The following ERBB4 variants were observed in gnomAD, a reference collection of about 807,000 sequenced individuals.
ERBB4 encodes the protein erb-b2 receptor tyrosine kinase 4.
In ERBB4, 42 loss-of-function variants were observed where a neutral mutation model predicts 158.0. That is an observed-to-expected ratio of 0.27 (90% confidence interval 0.21 to 0.34). ERBB4 has a LOEUF of 0.34. Among genes scored for constraint, ERBB4 ranks in the 10% least tolerant of loss-of-function variants. ERBB4 has a pLI of 1.00. For synonymous variants in ERBB4, 583 were observed against 558.7 expected, an observed-to-expected ratio of 1.04 and a Z score of -0.61; for missense variants, 1,333 against 1,624.1, an observed-to-expected ratio of 0.82 and a Z score of 3.08.
intron 1 of ERBB4, among the ~76,000 whole-genome samples, chr2:212,219,966 A>AC (rs1286340078): frequency 6.6e-6 from 1 of 151,086 alleles, no homozygotes; most frequent in Non-Finnish European, 1.5e-5. Flanking sequence ...AAAAAAAAAA[A>AC]AAAGTGGGAT....
At chr2:211,508,610 G>T (rs1269546134) in intron 20 of ERBB4, among the ~76,000 whole-genome samples, 2 of 152,148 alleles carry the variant, frequency 1.3e-5, no homozygotes, top group East Asian at 3.9e-4. Flanking sequence ...ATTTGACCCA[G>T]CAATCCCATT....
At chr2:211,556,548 G>A (rs1404661282) in intron 20 of ERBB4, among the ~76,000 whole-genome samples, 1 of 151,640 alleles carries the variant, frequency 6.6e-6, no homozygotes, top group East Asian at 1.9e-4. Context: ...TGGGTACATA[G>A]GTGTATATAC....
chr2:211,792,446 C>T (rs546379893), intron 3 of ERBB4, among the ~76,000 whole-genome samples: 72 of 151,542 alleles, frequency 4.8e-4, no homozygotes, highest in Admixed American at 3.8e-3. Flanking sequence ...TTATATAAAA[C>T]GCATATAACT....
chr2:211,912,008 T>C (rs2079552577), intron 3 of ERBB4, among the ~76,000 whole-genome samples: 1 of 152,140 alleles, frequency 6.6e-6, no homozygotes, highest in Admixed American at 6.5e-5. Flanking sequence ...CAGATAAACC[T>C]GTGGCTATTT....
intron 1 of ERBB4, among the ~76,000 whole-genome samples, chr2:212,132,798 A>G (rs537747054): frequency 1.3e-5 from 2 of 152,208 alleles, no homozygotes; most frequent in East Asian, 3.9e-4. Flanking sequence ...CGCTATATAT[A>G]GCATATATGT....
intron 20 of ERBB4, among the ~76,000 whole-genome samples, chr2:211,559,911 A>G (rs912298622): frequency 1.3e-5 from 2 of 152,218 alleles, no homozygotes; most frequent in African/African-American, 4.8e-5. Context: ...TGTGTTCAAG[A>G]TATCAACTAC....
At position 211,780,131 on chromosome 2, in the gene ERBB4, G is replaced by A. The variant is rs137997096; in HGVS notation, c.556+7894C>T. 5.9e-3 allele frequency among the ~76,000 whole-genome samples: 894 copies of A among 152,300 alleles called. 16 individuals carry two copies. Among genetic ancestry groups the A allele is most frequent in the Middle Eastern group, 0.048 (14 of 294 alleles). The stretch of plus-strand genomic sequence containing the variant: ...AATCTTAGCACTTTGTGAGGCTGTG[G>A]CGGGAGGATAACTTGTGCCCAGAAG... On this transcript the variant is annotated intron_variant, in intron 4 of 27. Coordinates refer to ENST00000342788, the MANE Select transcript of ERBB4 (RefSeq NM_005235.3).
rs188343217 is a variant in ERBB4 at position 212,042,579 on chromosome 2, C to T, written c.234+82173G>A. Among the ~76,000 whole-genome samples the T allele has an allele frequency of 2.6e-5, 4 of 152,174 alleles. No individual in the cohort carries two copies. In the East Asian group the frequency reaches 7.7e-4, roughly 29 times the overall value. The stretch of plus-strand genomic sequence containing the variant: ...TGCTACATATCAAAAACCTATCCTT[C>T]AATCTGACTTGTCCAGTTGACATTT... On this transcript the variant is annotated intron_variant, in intron 2 of 27. Transcript: ENST00000342788.
intron 3 of ERBB4, among the ~76,000 whole-genome samples, chr2:211,845,198 T>C (rs561793583): frequency 3.9e-5 from 6 of 152,138 alleles, no homozygotes; most frequent in African/African-American, 1.4e-4. Context: ...TACTGAGCAA[T>C]TGTCCTCAAA....
chr2:212,181,450 CACTT>C lies in ERBB4; in HGVS notation c.83-56551_83-56548del, dbSNP rs201309574. Among the ~76,000 whole-genome samples, 368 of 151,674 alleles carry C rather than the reference CACTT, an allele frequency of 2.4e-3. 2 individuals carry two copies. Among genetic ancestry groups the C allele is most frequent in the African/African-American group, 8.3e-3 (346 of 41,504 alleles). The stretch of plus-strand genomic sequence containing the variant: ...TATTATGTAAAATGCAGATCTTTAT[CACTT>C]ACTCTTGAAAACCTATAAATAATTT... On this transcript the variant is annotated intron_variant, in intron 1 of 27. Transcript: ENST00000342788.
chr2:211,852,188 A>G (rs1196182275), intron 3 of ERBB4, among the ~76,000 whole-genome samples: 1 of 151,898 alleles, frequency 6.6e-6, no homozygotes, highest in Admixed American at 6.6e-5. Flanking sequence ...TCATCCAAAA[A>G]CACTATTTTC....
Position 212,240,637 on chromosome 2 carries a change from C to CAAAAAAAAAAAAAAAAAAA in ERBB4, c.83-115753_83-115735dup. Among the ~76,000 whole-genome samples the CAAAAAAAAAAAAAAAAAAA allele has an allele frequency of 9.5e-4, 34 of 35,792 alleles. 2 individuals carry two copies. Among genetic ancestry groups the CAAAAAAAAAAAAAAAAAAA allele is most frequent in the Middle Eastern group, 0.02 (1 of 50 alleles). 23.5% of individuals were successfully genotyped at this position (35,792 alleles called of 152,430 possible). A position where few individuals can be genotyped will look rare whatever the true frequency, so the allele number is the denominator to read the frequency against. On this transcript the variant is annotated intron_variant, in intron 1 of 27. Transcript: ENST00000342788. ...TGGGCAACAGAGCGACACTCTGGCT[C>CAAAAAAAAAAAAAAAAAAA]AAAAAAAAAAAAAAAAAAAAAAAAA...
chr2:211,975,716 G>A (rs187278988), intron 2 of ERBB4, among the ~76,000 whole-genome samples: 201 of 151,972 alleles, frequency 1.3e-3, no homozygotes, highest in Non-Finnish European at 2.2e-3. Flanking sequence ...ATTCATTTAC[G>A]TCTTGTATAC....
At chr2:211,767,483 G>A (rs1287856579) in intron 4 of ERBB4, among the ~76,000 whole-genome samples, 4 of 152,032 alleles carry the variant, frequency 2.6e-5, no homozygotes, top group Admixed American at 6.6e-5. Flanking sequence ...GTATTAGTCC[G>A]TTCTCATGCT....
At chr2:212,206,538 A>G (rs760058310) in intron 1 of ERBB4, among the ~76,000 whole-genome samples, 16 of 151,072 alleles carry the variant, frequency 1.1e-4, no homozygotes, top group Non-Finnish European at 2.2e-4. Context: ...GCTTAGGTCT[A>G]ATGACATTTT....
chr2:211,928,878 AT>A (rs1456728256), intron 3 of ERBB4, among the ~76,000 whole-genome samples: 2 of 152,226 alleles, frequency 1.3e-5, no homozygotes, highest in East Asian at 3.8e-4. Context: ...TCCAAAAACA[AT>A]GAGCTAGGTG....
chr2:212,368,375 AT>A (rs2089965933), intron 1 of ERBB4, among the ~76,000 whole-genome samples: 1 of 152,174 alleles, frequency 6.6e-6, no homozygotes, highest in South Asian at 2.1e-4. Context: ...AAGCTAAGCT[AT>A]GAGGACACAA....
At chr2:212,408,066 T>TTTTATTTTTA (rs1226589333) in intron 1 of ERBB4, among the ~76,000 whole-genome samples, 1 of 151,944 alleles carries the variant, frequency 6.6e-6, no homozygotes, top group Non-Finnish European at 1.5e-5. Context: ...CTCAGTAACA[T>TTTTATTTTTA]TTTATTTTTA....
chr2:211,900,726 A>G (rs1220296829), intron 3 of ERBB4, among the ~76,000 whole-genome samples: 1 of 152,160 alleles, frequency 6.6e-6, no homozygotes, highest in African/African-American at 2.4e-5. Flanking sequence ...CTTAGAATAA[A>G]TGTCTCCCCA....
Sources: gnomAD v4.1 joint callset for allele counts (sites outside exome capture counted in the v4.1 genomes callset) on GRCh38, gnomAD v4.1.1 for gene constraint, MANE v1.5 for transcripts, NCBI Gene and HGNC (gene_info 2026-07-23, HGNC 2026-07-21) for gene names.